The following ZFHX4 variants were observed in gnomAD, a reference collection of about 807,000 sequenced individuals.
ZFHX4 encodes the protein zinc finger homeobox 4, also known as zinc finger homeobox protein 4.
ZFHX4 carries 56 observed loss-of-function variants against 267.6 expected under a neutral mutation model. The ratio of observed to expected loss-of-function variants is 0.21; its 90% CI spans 0.17 to 0.26. The LOEUF (loss-of-function observed/expected upper bound fraction) is 0.26, where lower values mean the gene tolerates loss of function less well. ZFHX4 is among the 10% of genes least tolerant of loss of function. The pLI, the probability that ZFHX4 is intolerant of heterozygous loss-of-function variation, is 1.00. For synonymous variants in ZFHX4, 1,778 were observed against 1,665.6 expected, an observed-to-expected ratio of 1.07 and a Z score of -1.64; for missense variants, 4,332 against 4,420.0, an observed-to-expected ratio of 0.98 and a Z score of 0.56.
At chr8:76,837,041 T>A (rs1189079070) in intron 5 of ZFHX4, among the ~76,000 whole-genome samples, 2 of 152,050 alleles carry the variant, frequency 1.3e-5, no homozygotes, top group Non-Finnish European at 2.9e-5. Context: ...TTGAGGAGCA[T>A]CAAGAGCTCT....
intron 3 of ZFHX4, among the ~76,000 whole-genome samples, chr8:76,755,727 T>G (rs1378792309): frequency 6.6e-6 from 1 of 152,184 alleles, no homozygotes; most frequent in Admixed American, 6.6e-5. Context: ...TTTTCATTAT[T>G]AGTTAGTTGT....
At chr8:76,701,420 T>G (rs1346612026) in intron 1 of ZFHX4, among the ~76,000 whole-genome samples, 1 of 152,118 alleles carries the variant, frequency 6.6e-6, no homozygotes, top group African/African-American at 2.4e-5. Flanking sequence ...CCTACCATAT[T>G]GCTTTGACCT....
chr8:76,821,743 G>A (rs143186384), intron 4 of ZFHX4, among the ~76,000 whole-genome samples: 1 of 152,242 alleles, frequency 6.6e-6, no homozygotes, highest in East Asian at 1.9e-4. Flanking sequence ...TTGGCCTGCT[G>A]TATTTTTGTT....
chr8:76,851,295 G>A lies in ZFHX4; in HGVS notation c.4374G>A (p.Gln1458=), dbSNP rs1352581478. Residue 1458 remains glutamine, a synonymous_variant, in exon 10 of 11, where the codon CAG becomes CAA. Transcript: ENST00000651372. ...AACTGAGTGAAGCTGAACTTCAACA[G>A]CTATATGCCTCCTTGCCCGTGAATG... ...HPELSEAELQ[Q]LYASLPVNGE... is the part of the protein sequence containing the mutation. The A allele has an allele frequency of 6.2e-7, 1 of 1,613,738 alleles. No individual in the cohort carries two copies. The highest frequency in any genetic ancestry group is 8.5e-7 in the Non-Finnish European group (1 of 1,179,852).
chr8:76,760,589 A>G (rs578075152), intron 3 of ZFHX4, among the ~76,000 whole-genome samples: 1 of 152,136 alleles, frequency 6.6e-6, no homozygotes, highest in South Asian at 2.1e-4. Flanking sequence ...TACTCTGAGG[A>G]GATAGGGAAA....
Position 76,853,062 on chromosome 8 carries a change from ACCTCCT to A in ZFHX4, c.6159_6164del (p.Pro2060_Pro2061del), listed in dbSNP as rs750748601. 61 of 437,544 alleles carry A rather than the reference ACCTCCT, an allele frequency of 1.4e-4. No homozygotes were observed. The highest frequency in any genetic ancestry group is 4.1e-4 in the African/African-American group (12 of 28,964). 27.1% of individuals were successfully genotyped at this position (437,544 alleles called of 1,614,324 possible). Reference sequence around the variant, plus strand: ...CACCCACTCCTCCCCCACCACCACCACCTCCTCCTCCTCCTCCTCCTCCCCCCCCAC... The same window carrying A: ...CACCCACTCCTCCCCCACCACCACCACCTCCTCCTCCTCCTCCCCCCCCAC... On this transcript the variant is annotated inframe_deletion, in exon 10 of 11. Transcript: ENST00000651372.
chr8:76,709,448 C>T (rs904561704), intron 3 of ZFHX4, among the ~76,000 whole-genome samples: 2 of 152,078 alleles, frequency 1.3e-5, no homozygotes, highest in African/African-American at 4.8e-5. Context: ...GGTTTTGCAG[C>T]AACAGTTGAC....
intron 3 of ZFHX4, among the ~76,000 whole-genome samples, chr8:76,748,222 A>G (rs1017912988): frequency 1.3e-5 from 2 of 152,136 alleles, no homozygotes; most frequent in Admixed American, 6.5e-5. Flanking sequence ...TGTGTCTCAT[A>G]TCTGTAAGTC....
chr8:76,699,744 C>CAAAAA (rs34108017), intron 1 of ZFHX4, among the ~76,000 whole-genome samples: 64 of 89,720 alleles, frequency 7.1e-4, no homozygotes, highest in African/African-American at 2.1e-3. Flanking sequence ...GCAACTGATG[C>CAAAAA]AAAAAAAAAA....
Position 76,853,939 on chromosome 8 carries a change from G to A in ZFHX4, c.7018G>A (p.Asp2340Asn), listed in dbSNP as rs1790473787. The change falls in exon 10 of 11, where the codon GAT (aspartate) becomes AAT (asparagine). Residue 2340 changes from aspartate (D) to asparagine (N), a missense_variant. Physicochemically the swap from Asp to Asn is conservative, Grantham distance 23 (BLOSUM62 1). This residue lies in a region of ZFHX4 where 1,648 missense variants were observed against 1,625.0 expected (regional missense o/e 1.01). Coordinates refer to ENST00000651372, the MANE Select transcript of ZFHX4 (RefSeq NM_024721.5). ...GAAAAAGCAGTGTTACAAGGATGAA[G>A]ATGATGATGCCCAAGATGAAAGCCA... ...HQKKQCYKDE[D>N]DDAQDESQTE... The A allele has an allele frequency of 6.2e-7, 1 of 1,613,818 alleles. No homozygotes were observed. The highest frequency in any genetic ancestry group is 8.5e-7 in the Non-Finnish European group (1 of 1,179,882).
intron 3 of ZFHX4, among the ~76,000 whole-genome samples, chr8:76,711,284 G>A (rs867489014): frequency 2.6e-5 from 4 of 152,074 alleles, no homozygotes; most frequent in African/African-American, 7.2e-5. Context: ...GAAGTGCTAA[G>A]CACTACTAAA....
At position 76,851,958 on chromosome 8, in the gene ZFHX4, C is replaced by A. The variant is rs200077566; in HGVS notation, c.5037C>A (p.Ile1679=). The A allele has an allele frequency of 3.4e-4, 545 of 1,613,948 alleles. 1 individual carries two copies. The African/African-American group carries it at 6.0e-3, about 18-fold the overall frequency. ...ELNKKQTPDL[I]SAQPAHHPPQ... The stretch of plus-strand genomic sequence containing the variant: ...ATAAAAAGCAAACTCCTGATTTAAT[C>A]TCTGCTCAACCTGCACATCACCCAC... The change falls in exon 10 of 11, where the codon ATC becomes ATA. Residue 1679 remains isoleucine, a synonymous_variant. Transcript: ENST00000651372.
chr8:76,849,123 G>T lies in ZFHX4; in HGVS notation c.3640G>T (p.Glu1214Ter). Residue 1214 changes from glutamate to a stop codon, truncating the protein, a stop_gained, in exon 7 of 11, where the codon GAA (glutamate) becomes TAA (stop). Coordinates refer to ENST00000651372, the MANE Select transcript of ZFHX4 (RefSeq NM_024721.5). LOFTEE classifies it high-confidence loss of function. Reference sequence around the variant, plus strand: ...TACAGAGGACAATAAATTCTGTCATGAACAGGTAAATACTTTTTTTCCCCT... The same window carrying T: ...TACAGAGGACAATAAATTCTGTCATTAACAGGTAAATACTTTTTTTCCCCT... ...KPTEDNKFCHEQFYQCPYCNY... is the reference protein window; with the variant it reads ...KPTEDNKFCH 2 of 1,550,032 alleles carry T rather than the reference G, an allele frequency of 1.3e-6. No individual in the cohort carries two copies. The highest frequency in any genetic ancestry group is 2.4e-5 in the South Asian group (2 of 82,476).
At chr8:76,739,563 T>C (rs1427928295) in intron 3 of ZFHX4, among the ~76,000 whole-genome samples, 1 of 152,090 alleles carries the variant, frequency 6.6e-6, no homozygotes, top group Non-Finnish European at 1.5e-5. Context: ...ATTAGAGTGA[T>C]CAGGAAAGGC....
intron 6 of ZFHX4, 134 bp downstream of exon 6, chr8:76,842,905 A>T: frequency 1.8e-6 from 1 of 559,518 alleles, no homozygotes; most frequent in Non-Finnish European, 3.1e-6. Flanking sequence ...GAACATTCCC[A>T]CTACTATTCA....
chr8:76,758,402 G>A (rs991977718), intron 3 of ZFHX4, among the ~76,000 whole-genome samples: 2 of 152,130 alleles, frequency 1.3e-5, no homozygotes, highest in African/African-American at 4.8e-5. Context: ...TTTTTACTGG[G>A]TCTTAATATC....
intron 3 of ZFHX4, among the ~76,000 whole-genome samples, chr8:76,715,146 T>C (rs765924900): frequency 1.3e-5 from 2 of 152,156 alleles, no homozygotes; most frequent in Non-Finnish European, 2.9e-5. Flanking sequence ...TTTTCAAACA[T>C]GAGGATGTTG....
rs1252706511 is a variant in ZFHX4 at position 76,704,514 on chromosome 8, T to C, written c.426T>C (p.Ile142=). 6.2e-7 allele frequency: 1 copy of C among 1,613,878 alleles called. No individual in the cohort carries two copies. The change falls in exon 2 of 11, where the codon ATT becomes ATC. Residue 142 remains isoleucine, a synonymous_variant. Transcript: ENST00000651372. ...AGCCTGATGGGTCAGCATATATAAT[T>C]GAGGACTCCAAAGAAAGTGGGCAGA... is the stretch of plus-strand genomic sequence containing the variant. ...VYQPDGSAYI[I]EDSKESGQNA...
intron 1 of ZFHX4, chr8:76,693,415 T>C (rs1807871792): frequency 6.6e-6 from 1 of 152,066 alleles, no homozygotes; most frequent in East Asian, 1.9e-4. Context: ...TATAGCACAA[T>C]CCCCTTGTTT....
Sources: gnomAD v4.1 joint callset for allele counts (sites outside exome capture counted in the v4.1 genomes callset) on GRCh38, gnomAD v4.1.1 for gene constraint, gnomAD v4.1.1 regional missense constraint, MANE v1.5 for transcripts, NCBI Gene and HGNC (gene_info 2026-07-23, HGNC 2026-07-21) for gene names.